Variants in TNFRSF10A observed in about 807,000 individuals in gnomAD.
The protein encoded by TNFRSF10A is tumor necrosis factor receptor superfamily member 10A.
TNFRSF10A carries 44 observed loss-of-function variants against 42.8 expected under a neutral mutation model. The ratio of observed to expected loss-of-function variants is 1.03; its 90% CI spans 0.81 to 1.32. The LOEUF (loss-of-function observed/expected upper bound fraction) is 1.32, where lower values mean the gene tolerates loss of function less well. Among genes scored for constraint, TNFRSF10A ranks in the 40% most tolerant of loss-of-function variants. The pLI, the probability that TNFRSF10A is intolerant of heterozygous loss-of-function variation, is 0.00. For missense variants in TNFRSF10A, 680 were observed against 602.0 expected (o/e 1.13, Z -1.36); for synonymous variants, 259 against 234.2 (o/e 1.11, Z -0.97).
intron 1 of TNFRSF10A, among the ~76,000 whole-genome samples, chr8:23,223,004 G>A (rs1426800070): frequency 6.6e-6 from 1 of 152,188 alleles, no homozygotes; most frequent in Non-Finnish European, 1.5e-5. Flanking sequence ...TTCTTGTACA[G>A]CCTGCAGAAC....
intron 1 of TNFRSF10A, among the ~76,000 whole-genome samples, chr8:23,221,446 AAG>A (rs1314603773): frequency 6.6e-6 from 1 of 152,212 alleles, no homozygotes; most frequent in Non-Finnish European, 1.5e-5. Context: ...TACTTTGATA[AAG>A]AGAGAGACGA....
intron 1 of TNFRSF10A, among the ~76,000 whole-genome samples, chr8:23,218,179 GGAGA>G (rs980492467): frequency 6.8e-6 from 1 of 146,912 alleles, no homozygotes; most frequent in Non-Finnish European, 1.5e-5. Context: ...AGAGAGAGAG[GGAGA>G]GAGAGAAAGA....
chr8:23,204,713 C>A (rs1800981283), intron 2 of TNFRSF10A, among the ~76,000 whole-genome samples: 1 of 152,038 alleles, frequency 6.6e-6, no homozygotes, highest in African/African-American at 2.4e-5. Context: ...CACTCTCCTA[C>A]CACAATGGAA....
At chr8:23,204,838 G>C (rs746400150) in intron 2 of TNFRSF10A, among the ~76,000 whole-genome samples, 1 of 151,978 alleles carries the variant, frequency 6.6e-6, no homozygotes, top group African/African-American at 2.4e-5. Context: ...AGAGAAATCA[G>C]AAAATAAGAC....
rs112390866 is a variant in TNFRSF10A at position 23,221,879 on chromosome 8, CTT to C, written c.306+2875_306+2876del. Reference sequence around the variant, plus strand: ...AGGGACACGGGCACGCTTGTGTATTCTTTTTTTTTTTTCTTGAAACGGAGTCT... The same window carrying C: ...AGGGACACGGGCACGCTTGTGTATTCTTTTTTTTTTCTTGAAACGGAGTCT... On this transcript the variant is annotated intron_variant, in intron 1 of 9. Transcript: ENST00000221132. Among the ~76,000 whole-genome samples, 329 of 147,772 alleles carry C rather than the reference CTT, an allele frequency of 2.2e-3. 2 individuals carry two copies. The highest frequency in any genetic ancestry group is 3.6e-3 in the Middle Eastern group (1 of 280).
At chr8:23,202,002 C>T (rs539880775) in intron 3 of TNFRSF10A, 83 bp from the exon 4 acceptor site, 8 of 1,224,116 alleles carry the variant, frequency 6.5e-6, no homozygotes, top group Admixed American at 5.8e-5. Flanking sequence ...CTCCCTCCCC[C>T]TCAGCTCAGC....
At position 23,197,211 on chromosome 8, in the gene TNFRSF10A, C is replaced by T. The variant is rs758239100; in HGVS notation, c.1015-7G>A. 6.2e-7 allele frequency: 1 copy of T among 1,614,142 alleles called. No homozygotes were observed. Among genetic ancestry groups the T allele is most frequent in the Non-Finnish European group, 8.5e-7 (1 of 1,179,988 alleles). ...CTTCAGCTTCTGCCGGTCCCTGTAA[C>T]ACACAGTGGGGAATGCCTTGGTCTG... On this transcript the variant is annotated splice_region_variant and splice_polypyrimidine_tract_variant and intron_variant, in intron 8 of 9. Coordinates refer to ENST00000221132, the MANE Select transcript of TNFRSF10A (RefSeq NM_003844.4).
intron 5 of TNFRSF10A, 36 bp from the exon 6 acceptor site, chr8:23,200,636 T>G (rs368788514): frequency 7.2e-5 from 116 of 1,613,896 alleles, no homozygotes; most frequent in Non-Finnish European, 9.1e-5. Flanking sequence ...AGTCTCGGGC[T>G]GCTGGTCCCT....
At chr8:23,207,484 T>C (rs1274381700) in intron 2 of TNFRSF10A, 3 of 374,444 alleles carry the variant, frequency 8.0e-6, no homozygotes, top group African/African-American at 4.2e-5. Flanking sequence ...GAAGAATTAA[T>C]ACCAATTATT....
chr8:23,204,660 A>G (rs1585282936), intron 2 of TNFRSF10A, among the ~76,000 whole-genome samples: 1 of 152,326 alleles, frequency 6.6e-6, no homozygotes. Flanking sequence ...TGGCCATAAG[A>G]TAAACCTCAA....
At chr8:23,204,235 A>C (rs1161785033) in intron 2 of TNFRSF10A, among the ~76,000 whole-genome samples, 1 of 152,226 alleles carries the variant, frequency 6.6e-6, no homozygotes, top group Non-Finnish European at 1.5e-5. Context: ...GACTAGGTCT[A>C]TCAAGGTGTC....
chr8:23,224,719 G>A (rs1377150758), intron 1 of TNFRSF10A, 37 bp downstream of exon 1: 15 of 1,538,984 alleles, frequency 9.7e-6, no homozygotes, highest in South Asian at 2.4e-5. Flanking sequence ...GGTGCCAGGC[G>A]CGCTTTTCCC....
At chr8:23,223,354 C>T (rs1274816871) in intron 1 of TNFRSF10A, among the ~76,000 whole-genome samples, 3 of 152,234 alleles carry the variant, frequency 2.0e-5, no homozygotes, top group Non-Finnish European at 2.9e-5. Context: ...CGTGAGCCAC[C>T]GCGCCTGGCC....
chr8:23,223,203 C>T (rs969622590), intron 1 of TNFRSF10A, among the ~76,000 whole-genome samples: 2 of 152,074 alleles, frequency 1.3e-5, no homozygotes, highest in South Asian at 4.1e-4. Context: ...GTAGCTGGGA[C>T]TACAGGCGGC....
intron 9 of TNFRSF10A, 126 bp from the exon 10 acceptor site, chr8:23,192,139 G>A: frequency 1.4e-6 from 2 of 1,459,326 alleles, no homozygotes; most frequent in Admixed American, 2.3e-5. Flanking sequence ...GGGCAAACCT[G>A]TTGCTCCATT....
chr8:23,199,668 C>T (rs2235126), intron 7 of TNFRSF10A, among the ~76,000 whole-genome samples: 40,040 of 152,026 alleles, frequency 0.26, 6,059 homozygotes, highest in East Asian at 0.71. Flanking sequence ...AAGGGTCTCA[C>T]CTGGGCTGTA....
At chr8:23,222,792 G>T (rs888939514) in intron 1 of TNFRSF10A, among the ~76,000 whole-genome samples, 1 of 152,134 alleles carries the variant, frequency 6.6e-6, no homozygotes, top group African/African-American at 2.4e-5. Context: ...CATTCCCCCA[G>T]GAGTTGTCAA....
chr8:23,192,912 A>C (rs1800775773), intron 9 of TNFRSF10A, among the ~76,000 whole-genome samples: 1 of 152,220 alleles, frequency 6.6e-6, no homozygotes, highest in African/African-American at 2.4e-5. Flanking sequence ...GTAGCAAAGA[A>C]CTGAAACTCA....
chr8:23,218,818 G>A (rs1340555422), intron 1 of TNFRSF10A, among the ~76,000 whole-genome samples: 1 of 152,304 alleles, frequency 6.6e-6, no homozygotes, highest in Non-Finnish European at 1.5e-5. Context: ...GTCTCATGCT[G>A]TTTGTCTAAA....
Sources: gnomAD v4.1 joint callset for allele counts (sites outside exome capture counted in the v4.1 genomes callset) on GRCh38, gnomAD v4.1.1 for gene constraint, MANE v1.5 for transcripts, NCBI Gene and HGNC (gene_info 2026-07-23, HGNC 2026-07-21) for gene names.